NREP: variants seen among roughly 807,000 people sequenced by gnomAD.
NREP encodes neuronal regeneration-related protein.
A neutral mutation model predicts 8.6 loss-of-function variants in NREP; 5 were observed. The observed-to-expected ratio is 0.58, with a 90% CI of 0.30 to 1.22. The LOEUF (loss-of-function observed/expected upper bound fraction) is 1.22. NREP is among the 50% of genes most tolerant of loss of function. The pLI is 0.07. For synonymous variants in NREP, 27 were observed against 28.0 expected (o/e 0.96, Z 0.11); for missense variants, 86 against 82.5 (o/e 1.04, Z -0.17).
In NREP at chr5:111,957,830, T is replaced by C. The variant is rs545376138; in HGVS notation, c.135+17444A>G. ...AGAAAGCCTATCAATGTAAATACAT[T>C]AGGGAAAAATAGACACTTAAAAAGT... On this transcript the variant is annotated intron_variant, in intron 2 of 3. Coordinates refer to the NREP transcript ENST00000395634. 2.0e-5 allele frequency among the ~76,000 whole-genome samples: 3 copies of C among 151,904 alleles called. No individual in the cohort carries two copies. The East Asian group carries it at 5.8e-4, about 29-fold the overall frequency.
chr5:111,786,220 C>A (rs1391992623), intron 2 of NREP, among the ~76,000 whole-genome samples: 1 of 152,166 alleles, frequency 6.6e-6, no homozygotes, highest in Non-Finnish European at 1.5e-5. Context: ...CCACTTTGTG[C>A]CTCACTCATC....
intron 2 of NREP, among the ~76,000 whole-genome samples, chr5:111,849,556 A>G: frequency 6.6e-6 from 1 of 152,178 alleles, no homozygotes; most frequent in East Asian, 1.9e-4. Flanking sequence ...ATTGGAAGAC[A>G]GCAAGATTGG....
intron 2 of NREP, among the ~76,000 whole-genome samples, chr5:111,934,668 T>A (rs1439078426): frequency 6.6e-6 from 1 of 152,068 alleles, no homozygotes; most frequent in Non-Finnish European, 1.5e-5. Flanking sequence ...ATGTGGGGAA[T>A]CAGCCTACAT....
chr5:111,820,340 C>T (rs185758651), intron 2 of NREP, among the ~76,000 whole-genome samples: 4 of 152,312 alleles, frequency 2.6e-5, no homozygotes, highest in Admixed American at 2.0e-4. Context: ...GCTCTGTGCA[C>T]GTTTGCAAAT....
intron 2 of NREP, among the ~76,000 whole-genome samples, chr5:111,905,037 AG>A (rs1333522083): frequency 6.6e-6 from 1 of 152,086 alleles, no homozygotes; most frequent in African/African-American, 2.4e-5. Context: ...AGGTTATGTA[AG>A]TATCTGAACC....
intron 2 of NREP, among the ~76,000 whole-genome samples, chr5:111,836,305 T>C (rs887974314): frequency 6.6e-6 from 1 of 152,062 alleles, no homozygotes; most frequent in African/African-American, 2.4e-5. Flanking sequence ...GGCATGCTTT[T>C]TAGGTCTGTA....
At chr5:111,766,546 CTT>C (rs1465879095) in intron 2 of NREP, among the ~76,000 whole-genome samples, 1 of 152,202 alleles carries the variant, frequency 6.6e-6, no homozygotes, top group African/African-American at 2.4e-5. Context: ...GTTATTCCCT[CTT>C]ATCCACCTTC....
At chr5:111,959,066 G>C (rs1464823814) in intron 2 of NREP, among the ~76,000 whole-genome samples, 2 of 151,814 alleles carry the variant, frequency 1.3e-5, no homozygotes, top group East Asian at 1.9e-4. Flanking sequence ...AGATTGGTTA[G>C]GAAACTAAAT....
intron 2 of NREP, among the ~76,000 whole-genome samples, chr5:111,972,292 T>A (rs1756842089): frequency 6.6e-6 from 1 of 152,204 alleles, no homozygotes; most frequent in Non-Finnish European, 1.5e-5. Flanking sequence ...TGATGTTGAA[T>A]GTGGTTGGTA....
At chr5:111,957,776 A>G (rs1756366530) in intron 2 of NREP, among the ~76,000 whole-genome samples, 1 of 151,972 alleles carries the variant, frequency 6.6e-6, no homozygotes, top group South Asian at 2.1e-4. Context: ...CAACATAACC[A>G]GGTAAGTTAG....
chr5:111,844,529 A>G (rs916886825), intron 2 of NREP, among the ~76,000 whole-genome samples: 1 of 151,156 alleles, frequency 6.6e-6, no homozygotes, highest in Admixed American at 6.6e-5. Flanking sequence ...GAAAGGTAAT[A>G]TTTAATAGGA....
chr5:111,798,370 T>C (rs938188747), intron 2 of NREP, among the ~76,000 whole-genome samples: 16 of 152,180 alleles, frequency 1.1e-4, no homozygotes, highest in African/African-American at 3.9e-4. Context: ...TTAATTAGTT[T>C]TTATTTTTTT....
intron 2 of NREP, among the ~76,000 whole-genome samples, chr5:111,813,466 TA>T (rs1752314260): frequency 6.6e-6 from 1 of 152,174 alleles, no homozygotes; most frequent in Non-Finnish European, 1.5e-5. Flanking sequence ...TCTTATATTC[TA>T]ACATGCTTGT....
chr5:111,942,827 T>G (rs1227861726), intron 2 of NREP, among the ~76,000 whole-genome samples: 1 of 152,068 alleles, frequency 6.6e-6, no homozygotes, highest in Non-Finnish European at 1.5e-5. Context: ...CATCTCATAG[T>G]AGTAGTCAAC....
At chr5:111,824,439 T>C (rs1198559359) in intron 2 of NREP, among the ~76,000 whole-genome samples, 2 of 152,188 alleles carry the variant, frequency 1.3e-5, no homozygotes, top group Admixed American at 1.3e-4. Flanking sequence ...ATCTTTCCCA[T>C]TATGCAATGA....
chr5:111,899,752 T>A (rs1447534242), intron 2 of NREP, among the ~76,000 whole-genome samples: 1 of 152,154 alleles, frequency 6.6e-6, no homozygotes, highest in African/African-American at 2.4e-5. Flanking sequence ...GGGAAAAACA[T>A]ATTCCGTGCA....
intron 2 of NREP, among the ~76,000 whole-genome samples, chr5:111,915,935 C>A (rs1238908408): frequency 6.6e-6 from 1 of 152,082 alleles, no homozygotes. Context: ...AAGTCACTAT[C>A]ATCCACGATC....
At chr5:111,784,339 T>C (rs933696236) in intron 2 of NREP, among the ~76,000 whole-genome samples, 2 of 152,162 alleles carry the variant, frequency 1.3e-5, no homozygotes, top group Non-Finnish European at 2.9e-5. Context: ...TAGTCCTAAC[T>C]GGGCAGCTCT....
At chr5:111,767,615 T>A (rs1482565537) in intron 2 of NREP, among the ~76,000 whole-genome samples, 1 of 152,162 alleles carries the variant, frequency 6.6e-6, no homozygotes, top group Non-Finnish European at 1.5e-5. Context: ...TTGTCCCCAA[T>A]TTGTGTTAAT....
Sources: allele counts gnomAD v4.1 joint callset (sites outside exome capture counted in the v4.1 genomes callset), GRCh38; gene constraint gnomAD v4.1.1; transcripts MANE v1.5; gene names NCBI Gene and HGNC (gene_info 2026-07-23, HGNC 2026-07-21).